PHACTR1: variants seen among roughly 807,000 people sequenced by gnomAD.
The protein encoded by PHACTR1 is phosphatase and actin regulator 1.
A neutral mutation model predicts 69.2 loss-of-function variants in PHACTR1; 16 were observed. That is an observed-to-expected ratio of 0.23 (90% CI 0.16 to 0.35). The LOEUF is 0.35. PHACTR1 is among the 10% of genes least tolerant of loss of function. The pLI, the probability that PHACTR1 is intolerant of heterozygous loss-of-function variation, is 1.00. For missense variants in PHACTR1, 510 were observed against 734.7 expected, an observed-to-expected ratio of 0.69 and a Z score of 3.54; for synonymous variants, 312 against 284.5, an observed-to-expected ratio of 1.10 and a Z score of -0.97.
chr6:12,768,107 TC>T (rs1215623107), intron 4 of PHACTR1, among the ~76,000 whole-genome samples: 5 of 145,212 alleles, frequency 3.4e-5, no homozygotes. Flanking sequence ...CACTATCAAA[TC>T]CTTTTTTTTT....
At chr6:12,794,544 A>C (rs1331217115) in intron 4 of PHACTR1, among the ~76,000 whole-genome samples, 2 of 152,268 alleles carry the variant, frequency 1.3e-5, no homozygotes, top group East Asian at 3.8e-4. Flanking sequence ...AAAAGAGAAC[A>C]GTTGGAATTA....
intron 8 of PHACTR1, among the ~76,000 whole-genome samples, chr6:13,219,067 A>G (rs1768192778): frequency 6.6e-6 from 1 of 152,164 alleles, no homozygotes; most frequent in East Asian, 1.9e-4. Flanking sequence ...AACAAGACCA[A>G]GGGAATAGAG....
intron 3 of PHACTR1, among the ~76,000 whole-genome samples, chr6:12,743,868 A>G (rs1316589935): frequency 6.6e-6 from 1 of 152,180 alleles, no homozygotes; most frequent in East Asian, 1.9e-4. Context: ...TCTCAGCACC[A>G]CATCGCACTT....
intron 4 of PHACTR1, among the ~76,000 whole-genome samples, chr6:13,001,164 C>T (rs1233028000): frequency 6.6e-6 from 1 of 152,116 alleles, no homozygotes; most frequent in Admixed American, 6.6e-5. Context: ...TAAATAAAGA[C>T]AGGTGTTTAA....
At chr6:13,072,238 A>G (rs1033669791) in intron 5 of PHACTR1, among the ~76,000 whole-genome samples, 3 of 152,196 alleles carry the variant, frequency 2.0e-5, no homozygotes, top group Non-Finnish European at 4.4e-5. Context: ...GGCTCTTGTA[A>G]TGCTGAATCC....
chr6:12,793,209 C>T (rs886402772), intron 4 of PHACTR1, among the ~76,000 whole-genome samples: 25 of 152,320 alleles, frequency 1.6e-4, no homozygotes, highest in African/African-American at 5.1e-4. Flanking sequence ...GAGCAAATGT[C>T]GAGTGTTTCC....
At chr6:12,991,955 T>C (rs1459215585) in intron 4 of PHACTR1, among the ~76,000 whole-genome samples, 3 of 151,902 alleles carry the variant, frequency 2.0e-5, no homozygotes, top group Non-Finnish European at 2.9e-5. Context: ...TTTTTTTTTT[T>C]ACCCTTATGA....
At chr6:13,088,024 T>C (rs1189081581) in intron 5 of PHACTR1, among the ~76,000 whole-genome samples, 1 of 152,028 alleles carries the variant, frequency 6.6e-6, no homozygotes, top group Non-Finnish European at 1.5e-5. Context: ...AGAAACCTTC[T>C]CTTTGATGAC....
At chr6:13,231,479 A>AGAAG (rs937458983) in intron 10 of PHACTR1, among the ~76,000 whole-genome samples, 29 of 149,434 alleles carry the variant, frequency 1.9e-4, no homozygotes, top group African/African-American at 6.9e-4. Flanking sequence ...AAGGAAGGAA[A>AGAAG]GAAGGAAGGA....
intron 11 of PHACTR1, among the ~76,000 whole-genome samples, chr6:13,277,596 C>T (rs1779185663): frequency 1.3e-5 from 2 of 152,162 alleles, no homozygotes. Context: ...CCAGTCTTAT[C>T]CAAAGAAAGG....
At chr6:13,212,869 C>G (rs75291577) in intron 8 of PHACTR1, among the ~76,000 whole-genome samples, 160 of 152,306 alleles carry the variant, frequency 1.1e-3, no homozygotes, top group Non-Finnish European at 1.9e-3. Context: ...CAATGAGGCC[C>G]TTCCCGTTCA....
rs1780729926 is a variant in PHACTR1, at chr6:13,283,341, C to T, written c.1510-81C>T. 25 of 1,481,222 alleles carry T rather than the reference C, an allele frequency of 1.7e-5. No individual in the cohort carries two copies. In the East Asian group the frequency reaches 6.0e-4, roughly 35 times the overall value. The allele number at this position is 1,481,222 out of a possible 1,614,324, so 91.8% of individuals were successfully genotyped here. Reference sequence around the variant, plus strand: ...TCGCCTCACTGAACCTTATTTTCCACACCTGCAAGTTCACAGACAGGACCA... The same window carrying T: ...TCGCCTCACTGAACCTTATTTTCCATACCTGCAAGTTCACAGACAGGACCA... On this transcript the variant is annotated intron_variant, in intron 12 of 14. Transcript: ENST00000332995. This position sits in a 1 kb window ranked among gnomAD's most constrained non-coding sequence, Gnocchi z 4.7.
At chr6:12,819,448 T>C (rs1775960993) in intron 4 of PHACTR1, among the ~76,000 whole-genome samples, 1 of 152,172 alleles carries the variant, frequency 6.6e-6, no homozygotes, top group African/African-American at 2.4e-5. Context: ...TTATTTGATA[T>C]AGGTGATAAC....
chr6:12,792,222 TG>T (rs998823261), intron 4 of PHACTR1, among the ~76,000 whole-genome samples: 1 of 151,976 alleles, frequency 6.6e-6, no homozygotes, highest in African/African-American at 2.4e-5. Context: ...CCCACCACTT[TG>T]GGAGGCCAAG....
chr6:12,735,017 A>C (rs1764048691), intron 3 of PHACTR1, among the ~76,000 whole-genome samples: 1 of 152,212 alleles, frequency 6.6e-6, no homozygotes, highest in South Asian at 2.1e-4. Context: ...CAAACACACT[A>C]TCTGACAGTT....
At chr6:12,881,398 C>A (rs551011534) in intron 4 of PHACTR1, among the ~76,000 whole-genome samples, 1 of 152,126 alleles carries the variant, frequency 6.6e-6, no homozygotes, top group African/African-American at 2.4e-5. Flanking sequence ...AGCTAGGAGG[C>A]GAGTGGAGAT....
At chr6:12,757,290 A>T (rs555892235) in intron 4 of PHACTR1, among the ~76,000 whole-genome samples, 74 of 152,280 alleles carry the variant, frequency 4.9e-4, no homozygotes, top group African/African-American at 1.6e-3. Context: ...TGTTCCTGGC[A>T]TGGCAAGGAG....
chr6:12,720,248 C>T (rs139762148), intron 3 of PHACTR1, among the ~76,000 whole-genome samples: 2 of 152,176 alleles, frequency 1.3e-5, no homozygotes, highest in East Asian at 1.9e-4. Flanking sequence ...TTGGTCCATT[C>T]GACTGGAATG....
chr6:12,776,809 G>A (rs1770118405), intron 4 of PHACTR1, among the ~76,000 whole-genome samples: 1 of 152,042 alleles, frequency 6.6e-6, no homozygotes, highest in South Asian at 2.1e-4. Flanking sequence ...TATAGATTGA[G>A]GAAATAAGAT....
Sources: gnomAD v4.1 joint callset for allele counts (sites outside exome capture counted in the v4.1 genomes callset) on GRCh38, gnomAD v4.1.1 for gene constraint, Gnocchi (gnomAD v3.1) non-coding constraint, MANE v1.5 for transcripts, NCBI Gene and HGNC (gene_info 2026-07-23, HGNC 2026-07-21) for gene names.